PDE4D: variants seen among roughly 807,000 people sequenced by gnomAD.
PDE4D encodes the protein phosphodiesterase 4D.
Under a neutral mutation model 87.4 loss-of-function variants are expected in PDE4D, and 24 were observed. The ratio of observed to expected loss-of-function variants is 0.27; its 90% CI spans 0.20 to 0.39. PDE4D has a LOEUF of 0.39. PDE4D is among the 10% of genes least tolerant of loss of function. The pLI is 1.00. For missense variants in PDE4D, 714 were observed against 1,041.0 expected (o/e 0.69, Z 4.32); for synonymous variants, 384 against 383.2 (o/e 1.00, Z -0.02).
At position 59,762,329 on chromosome 5, in the gene PDE4D, C is replaced by CATATATGT. The variant is rs1554079108; in HGVS notation, c.455+130838_455+130839insACATATAT. Among the ~76,000 whole-genome samples, 4 of 120,310 alleles carry CATATATGT rather than the reference C, an allele frequency of 3.3e-5. No individual in the cohort carries two copies. In the East Asian group the frequency reaches 6.5e-4, roughly 20 times the overall value. 78.9% of individuals were successfully genotyped at this position (120,310 alleles called of 152,430 possible). Reference sequence around the variant, plus strand: ...ATATGCGTATATGGGTACACATATGCGTATATGGGTACACATATGCATATA... The same window carrying CATATATGT: ...ATATGCGTATATGGGTACACATATGCATATATGTGTATATGGGTACACATATGCATATA... On this transcript the variant is annotated intron_variant, in intron 1 of 14. Transcript: ENST00000340635.
chr5:59,768,714 C>T, intron 1 of PDE4D: 1 of 1,270,960 alleles, frequency 7.9e-7, no homozygotes, highest in Non-Finnish European at 1.1e-6. Context: ...AACGTCACCC[C>T]TCCTCTCCCA....
chr5:59,809,531 G>A (rs1223197834), intron 1 of PDE4D, among the ~76,000 whole-genome samples: 2 of 152,066 alleles, frequency 1.3e-5, no homozygotes, highest in African/African-American at 2.4e-5. Context: ...TTTACCCTGG[G>A]TAATTCCTAT....
At chr5:59,859,784 A>G (rs1017137307) in intron 1 of PDE4D, among the ~76,000 whole-genome samples, 5 of 152,188 alleles carry the variant, frequency 3.3e-5, no homozygotes, top group African/African-American at 9.7e-5. Context: ...TTGGAGCCCA[A>G]GGTAATCAGG....
intron 1 of PDE4D, among the ~76,000 whole-genome samples, chr5:59,415,809 A>C (rs539215743): frequency 7.7e-4 from 118 of 152,328 alleles, no homozygotes; most frequent in African/African-American, 2.7e-3. Flanking sequence ...GTTAAATAAA[A>C]TATATCCTTG....
intron 1 of PDE4D, among the ~76,000 whole-genome samples, chr5:59,875,758 T>C (rs984096839): frequency 6.6e-6 from 1 of 152,128 alleles, no homozygotes; most frequent in Non-Finnish European, 1.5e-5. Context: ...TTTGGAGTCA[T>C]AAAAATTCTA....
At chr5:59,126,664 C>T (rs1775447193) in intron 5 of PDE4D, among the ~76,000 whole-genome samples, 1 of 152,148 alleles carries the variant, frequency 6.6e-6, no homozygotes, top group African/African-American at 2.4e-5. Context: ...TTTATTAAAC[C>T]CACATTTCCT....
At chr5:60,388,016 C>A (rs1261165808) in intron 1 of PDE4D, among the ~76,000 whole-genome samples, 3 of 152,144 alleles carry the variant, frequency 2.0e-5, no homozygotes, top group African/African-American at 7.2e-5. Context: ...CTCAGGGGAA[C>A]ACTTTTACCC....
chr5:59,949,339 A>G (rs1313201523), intron 3 of PDE4D, among the ~76,000 whole-genome samples: 1 of 151,402 alleles, frequency 6.6e-6, no homozygotes, highest in Non-Finnish European at 1.5e-5. Context: ...AGGCTGAGAC[A>G]GGAGAATGGC....
Position 59,533,659 on chromosome 5 carries a change from T to C in PDE4D, c.456-317691A>G, listed in dbSNP as rs150201865. Among the ~76,000 whole-genome samples, 11 of 152,316 alleles carry C rather than the reference T, an allele frequency of 7.2e-5. No homozygotes were observed. The East Asian group carries it at 2.1e-3, about 29-fold the overall frequency. On this transcript the variant is annotated intron_variant, in intron 1 of 14. Transcript: ENST00000340635. ...ATTTAATGCAGTGATTCTCAAAGTG[T>C]GGTCTCCAGACTAGCAGCATTAGTG... is the stretch of plus-strand genomic sequence containing the variant.
intron 1 of PDE4D, among the ~76,000 whole-genome samples, chr5:59,745,281 T>C (rs1759439050): frequency 6.6e-6 from 1 of 152,134 alleles, no homozygotes; most frequent in South Asian, 2.1e-4. Flanking sequence ...GGGGAAAAAT[T>C]CTCGGGTGAT....
intron 1 of PDE4D, among the ~76,000 whole-genome samples, chr5:59,512,732 C>T (rs1582927509): frequency 6.6e-6 from 1 of 151,840 alleles, no homozygotes. Context: ...GATGTCAAAT[C>T]AAGGAACATT....
At chr5:60,117,056 A>T (rs938041923) in intron 2 of PDE4D, among the ~76,000 whole-genome samples, 1 of 152,010 alleles carries the variant, frequency 6.6e-6, no homozygotes, top group African/African-American at 2.4e-5. Context: ...TAAAAAAAAA[A>T]ATATTTCCTT....
At chr5:59,079,888 G>A (rs976882281) in intron 5 of PDE4D, among the ~76,000 whole-genome samples, 1 of 116,136 alleles carries the variant, frequency 8.6e-6, no homozygotes, top group Non-Finnish European at 2.0e-5. Flanking sequence ...AGGAGAAGGG[G>A]AATGGGCAGG....
intron 2 of PDE4D, among the ~76,000 whole-genome samples, chr5:60,130,145 C>T (rs1413395461): frequency 6.6e-6 from 1 of 152,114 alleles, no homozygotes; most frequent in Non-Finnish European, 1.5e-5. Context: ...CTTGGCCTTC[C>T]CAGCTTCCAG....
intron 4 of PDE4D, 83 bp downstream of exon 4, chr5:59,185,106 A>G: frequency 9.9e-7 from 1 of 1,007,400 alleles, no homozygotes; most frequent in Non-Finnish European, 1.5e-6. Context: ...GAGAAGTCTA[A>G]CATATTGCCT....
intron 3 of PDE4D, among the ~76,000 whole-genome samples, chr5:59,947,990 G>A (rs1291041384): frequency 6.6e-6 from 1 of 152,192 alleles, no homozygotes; most frequent in East Asian, 1.9e-4. Flanking sequence ...CTGGGTGACA[G>A]AGCAAGACTC....
intron 1 of PDE4D, among the ~76,000 whole-genome samples, chr5:60,506,379 T>C (rs1750323686): frequency 6.6e-6 from 1 of 152,194 alleles, no homozygotes; most frequent in Admixed American, 6.5e-5. Flanking sequence ...CCAAAAAGAA[T>C]ACATACTTTT....
At chr5:60,369,276 A>G (rs2149978546) in intron 1 of PDE4D, among the ~76,000 whole-genome samples, 1 of 152,102 alleles carries the variant, frequency 6.6e-6, no homozygotes, top group African/African-American at 2.4e-5. Context: ...TTTGTTTGTG[A>G]CTGAAGAGGT....
At chr5:59,958,616 G>A (rs545185559) in intron 3 of PDE4D, among the ~76,000 whole-genome samples, 1 of 152,102 alleles carries the variant, frequency 6.6e-6, no homozygotes, top group Non-Finnish European at 1.5e-5. Flanking sequence ...AATAGATACA[G>A]AAAAAGCATT....
Sources: gnomAD v4.1 joint callset for allele counts (sites outside exome capture counted in the v4.1 genomes callset) on GRCh38, gnomAD v4.1.1 for gene constraint, MANE v1.5 for transcripts, NCBI Gene and HGNC (gene_info 2026-07-23, HGNC 2026-07-21) for gene names.